DST: variants seen among roughly 807,000 people sequenced by gnomAD.
DST encodes dystonin, also known as bullous pemphigoid antigen.
In DST, 253 loss-of-function variants were observed where a neutral mutation model predicts 875.2. That is an observed-to-expected ratio of 0.29 (90% CI 0.26 to 0.32). The LOEUF (loss-of-function observed/expected upper bound fraction) is 0.32, where lower values mean the gene tolerates loss of function less well. Among genes scored for constraint, DST ranks in the 10% least tolerant of loss-of-function variants. DST has a pLI of 1.00. For synonymous variants in DST, 3,124 were observed against 3,197.1 expected (o/e 0.98, Z 0.77); for missense variants, 8,287 against 9,111.6 (o/e 0.91, Z 3.68).
intron 61 of DST, 23 bp from the exon 62 acceptor site, chr6:56,536,963 T>C: frequency 6.2e-7 from 1 of 1,603,804 alleles, no homozygotes; most frequent in Non-Finnish European, 8.5e-7. Flanking sequence ...GAGTAATAAT[T>C]ATATGAGTTA....
chr6:56,517,081 A>AT (rs1191661390), intron 71 of DST, 117 bp downstream of exon 71: 2 of 758,550 alleles, frequency 2.6e-6, no homozygotes, highest in Admixed American at 2.4e-5. Flanking sequence ...TAAACTAATT[A>AT]TTTTTGCTGC....
At chr6:56,639,417 A>G (rs777572558) in intron 21 of DST, 33 bp downstream of exon 21, 5 of 1,613,106 alleles carry the variant, frequency 3.1e-6, no homozygotes, top group Non-Finnish European at 3.4e-6. Flanking sequence ...CTAAAATGCA[A>G]CCCTAGTATG....
intron 9 of DST, among the ~76,000 whole-genome samples, chr6:56,696,350 C>T (rs2099263692): frequency 1.3e-5 from 2 of 152,074 alleles, no homozygotes; most frequent in Admixed American, 1.3e-4. Flanking sequence ...TCAGTAGAGA[C>T]CAGGTTTCTC....
At chr6:56,684,429 A>G (rs1012263422) in intron 9 of DST, among the ~76,000 whole-genome samples, 1 of 152,258 alleles carries the variant, frequency 6.6e-6, no homozygotes, top group Non-Finnish European at 1.5e-5. Context: ...TAACTTAAAG[A>G]AAGTTATATA....
At chr6:56,495,637 T>C (rs1364385992) in intron 82 of DST, among the ~76,000 whole-genome samples, 1 of 152,034 alleles carries the variant, frequency 6.6e-6, no homozygotes, top group Non-Finnish European at 1.5e-5. Flanking sequence ...TCAGGTTTTT[T>C]TTCAAAAAGG....
intron 4 of DST, among the ~76,000 whole-genome samples, chr6:56,802,465 A>G (rs1019569913): frequency 7.2e-5 from 11 of 152,206 alleles, no homozygotes; most frequent in African/African-American, 2.4e-4. Flanking sequence ...CTAGTTTTAT[A>G]CATGTATATA....
At chr6:56,586,975 A>C (rs1398046654) in intron 49 of DST, among the ~76,000 whole-genome samples, 1 of 152,208 alleles carries the variant, frequency 6.6e-6, no homozygotes, top group Non-Finnish European at 1.5e-5. Flanking sequence ...ACAGAGCAGA[A>C]AAACTGGAAA....
chr6:56,940,231 CACACATATAT>C (rs1441177519), intron 2 of DST, among the ~76,000 whole-genome samples: 13 of 138,504 alleles, frequency 9.4e-5, no homozygotes, highest in African/African-American at 2.9e-4. Context: ...CACACACACA[CACACATATAT>C]ACATATATAC....
At chr6:56,623,339 A>G (rs1586933316) in intron 36 of DST, among the ~76,000 whole-genome samples, 2 of 152,326 alleles carry the variant, frequency 1.3e-5, no homozygotes, top group East Asian at 3.8e-4. Flanking sequence ...AAAGATCTGT[A>G]TACCATTTAA....
Position 56,508,759 on chromosome 6 carries a change from T to A in DST, c.19013-4A>T. On this transcript the variant is annotated splice_region_variant and splice_polypyrimidine_tract_variant and intron_variant, in intron 74 of 103. Coordinates refer to ENST00000680361, the MANE Select transcript of DST (RefSeq NM_001374736.1). ...TGGTCAAGCTTATCCTGAACAGCTA[T>A]GAAGCAAAACAATATCCACAAGGCG... 1 of 1,606,162 alleles carries A rather than the reference T, an allele frequency of 6.2e-7. No individual in the cohort carries two copies. The highest frequency in any genetic ancestry group is 2.2e-5 in the East Asian group (1 of 44,712).
At chr6:56,640,689 A>G (rs2098887783) in intron 17 of DST, 84 bp from the exon 18 acceptor site, 2 of 1,091,862 alleles carry the variant, frequency 1.8e-6, no homozygotes, top group African/African-American at 1.5e-5. Context: ...TATAGGTTTT[A>G]GTTAATAATG....
intron 4 of DST, among the ~76,000 whole-genome samples, chr6:56,798,943 G>A (rs2099743613): frequency 6.6e-6 from 1 of 152,220 alleles, no homozygotes; most frequent in African/African-American, 2.4e-5. Flanking sequence ...AGAATTAGAA[G>A]TGAAGCCTGA....
At chr6:56,683,969 G>C (rs1029384893) in intron 9 of DST, among the ~76,000 whole-genome samples, 3 of 152,138 alleles carry the variant, frequency 2.0e-5, no homozygotes, top group Non-Finnish European at 4.4e-5. Flanking sequence ...TTCAATAAAA[G>C]AAAACAAGCC....
intron 4 of DST, 199 bp downstream of exon 4, chr6:56,851,198 A>G: frequency 3.4e-6 from 2 of 580,764 alleles, no homozygotes; most frequent in Non-Finnish European, 6.1e-6. Flanking sequence ...AGGGCCAAAC[A>G]GCTTAGTCAC....
At position 56,605,142 on chromosome 6, in the gene DST, C is replaced by T. The variant is rs1007523732; in HGVS notation, c.9486G>A (p.Gly3162=). The T allele has an allele frequency of 8.1e-6, 13 of 1,612,432 alleles. No homozygotes were observed. The African/African-American group carries it at 1.7e-4, about 22-fold the overall frequency. ...TGAATGACTCCTCAAAATGTGTATT[C>T]CCTTCCCACGATGTAATGTCTGAAG... The part of the protein sequence containing the change: ...DITSDITSWE[G]NTHFEESFTD... Residue 3162 remains glycine, a synonymous_variant, in exon 40 of 104, where the codon GGG becomes GGA. Coordinates refer to ENST00000680361, the MANE Select transcript of DST (RefSeq NM_001374736.1).
chr6:56,592,296 A>G lies in DST; in HGVS notation c.12789T>C (p.Ala4263=). The G allele has an allele frequency of 6.2e-7, 1 of 1,610,732 alleles. No homozygotes were observed. Among genetic ancestry groups the G allele is most frequent in the Middle Eastern group, 1.7e-4 (1 of 6,058 alleles). Residue 4263 remains alanine, a synonymous_variant, in exon 49 of 104, where the codon GCT becomes GCC. Transcript: ENST00000680361. ...GGAGTCCAGCAAGAAGTCCACATGA[A>G]GCATCTTCATAGTGTTGATATTTAT... ...LVDKYQHYED[A]SCGLLAGLQA...
At chr6:56,827,291 G>A (rs1035211884) in intron 4 of DST, among the ~76,000 whole-genome samples, 4 of 152,050 alleles carry the variant, frequency 2.6e-5, no homozygotes, top group African/African-American at 9.7e-5. Flanking sequence ...CGAGGCGGGT[G>A]GATCACCAGG....
At chr6:56,755,983 C>A (rs766591325) in intron 4 of DST, among the ~76,000 whole-genome samples, 1 of 152,134 alleles carries the variant, frequency 6.6e-6, no homozygotes, top group Non-Finnish European at 1.5e-5. Context: ...CCACTTCCAG[C>A]GATGACAGCA....
intron 4 of DST, among the ~76,000 whole-genome samples, chr6:56,762,786 T>C (rs1324679684): frequency 6.6e-6 from 1 of 152,132 alleles, no homozygotes; most frequent in East Asian, 1.9e-4. Flanking sequence ...AATAAGAACT[T>C]ATTTTAACAA....
Sources: allele counts gnomAD v4.1 joint callset (sites outside exome capture counted in the v4.1 genomes callset), GRCh38; gene constraint gnomAD v4.1.1; transcripts MANE v1.5; gene names NCBI Gene and HGNC (gene_info 2026-07-23, HGNC 2026-07-21).